Variants in HEPHL1 observed in about 807,000 individuals in gnomAD.
HEPHL1 encodes hephaestin like 1, also known as ferroxidase HEPHL1.
HEPHL1 carries 123 observed loss-of-function variants against 122.0 expected under a neutral mutation model. The ratio of observed to expected loss-of-function variants is 1.01; its 90% CI spans 0.87 to 1.17. HEPHL1 has a LOEUF of 1.17. Among genes scored for constraint, HEPHL1 ranks in the 50% most tolerant of loss-of-function variants. The pLI is 0.00. For synonymous variants in HEPHL1, 527 were observed against 508.9 expected, an observed-to-expected ratio of 1.04 and a Z score of -0.48; for missense variants, 1,452 against 1,430.5, an observed-to-expected ratio of 1.01 and a Z score of -0.24.
chr11:94,111,914 C>G lies in HEPHL1; in HGVS notation c.*20C>G. The G allele has an allele frequency of 6.7e-7, 1 of 1,489,816 alleles. No individual in the cohort carries two copies. The highest frequency in any genetic ancestry group is 8.9e-7 in the Non-Finnish European group (1 of 1,117,862). 92.3% of individuals were successfully genotyped at this position (1,489,816 alleles called of 1,614,324 possible). A position where few individuals can be genotyped will look rare whatever the true frequency, so the allele number is the denominator to read the frequency against. ...CTGTGAACCATCTGGTCTCCCTCAA[C>G]AGGAAAGGGTGATGTCCCACAGCTG... is the stretch of plus-strand genomic sequence containing the variant. On this transcript the variant is annotated 3_prime_UTR_variant, in exon 20 of 20. Transcript: ENST00000315765.
Position 94,073,011 on chromosome 11 carries a change from C to T in HEPHL1, c.1233-14C>T, listed in dbSNP as rs761395663. 4.3e-6 allele frequency: 7 copies of T among 1,609,804 alleles called. No individual in the cohort carries two copies. The highest frequency in any genetic ancestry group is 4.0e-5 in the African/African-American group (3 of 74,686). ...TTGAGAAGTGTCCTCAATCACATTC[C>T]TATGTCTTTTCAGTGACTCTGATCT... On this transcript the variant is annotated splice_polypyrimidine_tract_variant and intron_variant, in intron 6 of 19. Transcript: ENST00000315765.
At chr11:94,094,223 C>T (rs188345756) in intron 13 of HEPHL1, among the ~76,000 whole-genome samples, 2,226 of 151,572 alleles carry the variant, frequency 0.015, 58 homozygotes, top group African/African-American at 0.052. Flanking sequence ...TGTTCAATTT[C>T]CATCTATGAG....
chr11:94,100,098 G>T (rs556360264), intron 13 of HEPHL1, among the ~76,000 whole-genome samples: 3 of 152,126 alleles, frequency 2.0e-5, no homozygotes, highest in African/African-American at 7.2e-5. Context: ...TGTCTTCTGC[G>T]TCGCTCACAC....
At chr11:94,103,632 T>A (rs1946387070) in intron 15 of HEPHL1, among the ~76,000 whole-genome samples, 1 of 152,206 alleles carries the variant, frequency 6.6e-6, no homozygotes, top group Non-Finnish European at 1.5e-5. Flanking sequence ...GAGCCAGGTA[T>A]GTGTATGTAA....
At position 94,045,751 on chromosome 11, in the gene HEPHL1, G is replaced by A. The variant is rs565317106; in HGVS notation, c.249G>A (p.Thr83=). ...IYKKAVYRRF[T]DGTYSIEIPK... ...AAAAGGCTGTTTACAGACGCTTCAC[G>A]GATGGAACCTACTCCATAGAGATCC... The change falls in exon 2 of 20, where the codon ACG becomes ACA. Residue 83 remains threonine, a synonymous_variant. Coordinates refer to ENST00000315765, the MANE Select transcript of HEPHL1 (RefSeq NM_001098672.2). 1.5e-5 allele frequency: 25 copies of A among 1,613,784 alleles called. No homozygotes were observed. The highest frequency in any genetic ancestry group is 6.6e-5 in the South Asian group (6 of 91,040).
intron 11 of HEPHL1, among the ~76,000 whole-genome samples, chr11:94,087,917 G>A (rs1431055852): frequency 6.6e-6 from 1 of 152,118 alleles, no homozygotes; most frequent in Non-Finnish European, 1.5e-5. Context: ...CATTGTAGAA[G>A]GTTAATGAAA....
At chr11:94,024,868 A>G (rs916121325) in intron 1 of HEPHL1, among the ~76,000 whole-genome samples, 13 of 152,298 alleles carry the variant, frequency 8.5e-5, no homozygotes, top group African/African-American at 3.1e-4. Flanking sequence ...GTCATTGACA[A>G]TATCCTATGG....
chr11:94,055,694 T>A (rs180925612), intron 2 of HEPHL1: 2 of 388,238 alleles, frequency 5.2e-6, no homozygotes, highest in South Asian at 4.2e-5. Context: ...TGGAAGACAA[T>A]GCACTCTGTG....
At chr11:94,105,388 T>C (rs1326141039) in intron 16 of HEPHL1, among the ~76,000 whole-genome samples, 2 of 152,246 alleles carry the variant, frequency 1.3e-5, no homozygotes, top group Admixed American at 6.5e-5. Flanking sequence ...TGTCTTAGTA[T>C]GCTCTCCATT....
chr11:94,075,536 A>G (rs1273955008), intron 9 of HEPHL1, among the ~76,000 whole-genome samples, 151 bp downstream of exon 9: 1 of 152,052 alleles, frequency 6.6e-6, no homozygotes, highest in Non-Finnish European at 1.5e-5. Context: ...ATTTTATTTG[A>G]TTTTCTGGTG....
chr11:94,111,047 A>G lies in HEPHL1; in HGVS notation c.3190A>G (p.Thr1064Ala). The G allele has an allele frequency of 3.8e-6, 6 of 1,598,200 alleles. No individual in the cohort carries two copies. Among genetic ancestry groups the G allele is most frequent in the Non-Finnish European group, 4.3e-6 (5 of 1,171,238 alleles). The change falls in exon 18 of 20, where the codon ACG becomes GCG. Residue 1064 changes from threonine (T) to alanine (A), a missense_variant. Thr to Ala is a moderately conservative substitution (Grantham distance 58, BLOSUM62 0). Coordinates refer to ENST00000315765, the MANE Select transcript of HEPHL1 (RefSeq NM_001098672.2). ...HIHAGMETTYTVLRNIDNRIP... is the reference protein window; with the variant it reads ...HIHAGMETTYAVLRNIDNRIP... The stretch of plus-strand genomic sequence containing the variant: ...CCATGCTGGCATGGAGACAACCTAC[A>G]CGGTCCTTCGTAACATAGGTACGGT...
At chr11:94,087,667 A>G (rs1303820944) in intron 11 of HEPHL1, among the ~76,000 whole-genome samples, 1 of 152,152 alleles carries the variant, frequency 6.6e-6, no homozygotes, top group Non-Finnish European at 1.5e-5. Flanking sequence ...TGATCAATAC[A>G]TAAAAAATAG....
chr11:94,110,907 A>G lies in HEPHL1; in HGVS notation c.3050A>G (p.Asp1017Gly), dbSNP rs762786968. ...YHAESFLFKI[D>G]KSYREDVYDL... is the part of the protein sequence containing the mutation. Reference sequence around the variant, plus strand: ...TTTTTTAAAACGTTTTTGCAGATAGATAAATCTTACCGAGAAGATGTGTAT... The same window carrying G: ...TTTTTTAAAACGTTTTTGCAGATAGGTAAATCTTACCGAGAAGATGTGTAT... Residue 1017 changes from aspartate (D) to glycine (G), a missense_variant, in exon 18 of 20, where the codon GAT becomes GGT. Coordinates refer to ENST00000315765, the MANE Select transcript of HEPHL1 (RefSeq NM_001098672.2). 3 of 1,611,380 alleles carry G rather than the reference A, an allele frequency of 1.9e-6. No individual in the cohort carries two copies. The highest frequency in any genetic ancestry group is 2.5e-6 in the Non-Finnish European group (3 of 1,178,540).
At chr11:94,091,347 A>T (rs1946262811) in intron 12 of HEPHL1, among the ~76,000 whole-genome samples, 1 of 152,188 alleles carries the variant, frequency 6.6e-6, no homozygotes, top group South Asian at 2.1e-4. Context: ...AGGTAGAGGA[A>T]TTATTATCAG....
At chr11:94,064,867 C>T (rs895559243) in intron 4 of HEPHL1, among the ~76,000 whole-genome samples, 5 of 152,154 alleles carry the variant, frequency 3.3e-5, no homozygotes, top group Admixed American at 1.3e-4. Flanking sequence ...ATGAAATCAT[C>T]GTTCTATAAT....
intron 2 of HEPHL1, among the ~76,000 whole-genome samples, chr11:94,056,980 A>G (rs1945943144): frequency 6.6e-6 from 1 of 152,124 alleles, no homozygotes; most frequent in Non-Finnish European, 1.5e-5. Context: ...GTCTTTATTT[A>G]TCTAGAACAT....
At chr11:94,048,665 G>A (rs112205658) in intron 2 of HEPHL1, among the ~76,000 whole-genome samples, 1,533 of 152,074 alleles carry the variant, frequency 0.01, 24 homozygotes, top group African/African-American at 0.035. Context: ...CCCAGCCTGT[G>A]GACAAAATTT....
intron 2 of HEPHL1, among the ~76,000 whole-genome samples, chr11:94,060,615 A>C (rs1945979636): frequency 6.6e-6 from 1 of 152,176 alleles, no homozygotes; most frequent in South Asian, 2.1e-4. Context: ...GATGGAGGTA[A>C]GATTCCTTTC....
intron 12 of HEPHL1, among the ~76,000 whole-genome samples, chr11:94,089,835 T>G (rs1201767721): frequency 2.0e-5 from 3 of 152,038 alleles, no homozygotes; most frequent in African/African-American, 7.2e-5. Flanking sequence ...TGAACATAGA[T>G]CTTTTGAAAG....
Sources: gnomAD v4.1 joint callset for allele counts (sites outside exome capture counted in the v4.1 genomes callset) on GRCh38, gnomAD v4.1.1 for gene constraint, MANE v1.5 for transcripts, NCBI Gene and HGNC (gene_info 2026-07-23, HGNC 2026-07-21) for gene names.